PACS2: variants seen among roughly 807,000 people sequenced by gnomAD.
PACS2 encodes PACS1-like protein.
Under a neutral mutation model 113.0 loss-of-function variants are expected in PACS2, and 36 were observed. The ratio of observed to expected loss-of-function variants is 0.32; its 90% CI spans 0.24 to 0.42. The LOEUF is 0.42. Ranked by LOEUF, PACS2 falls within the 10% of genes least tolerant of loss-of-function variation. The probability of loss-of-function intolerance (pLI) is 1.00; values close to 1 mark genes in which losing one functional copy is unlikely to be tolerated. For synonymous variants in PACS2, 589 were observed against 536.1 expected (o/e 1.10, Z -1.36); for missense variants, 1,015 against 1,239.5 (o/e 0.82, Z 2.72).
At chr14:105,368,644 C>T (rs1440036261) in intron 7 of PACS2, 105 bp downstream of exon 7, 7 of 850,434 alleles carry the variant, frequency 8.2e-6, no homozygotes, top group Non-Finnish European at 1.4e-5. Flanking sequence ...GAGATCTCAC[C>T]CCAGGTCACA....
chr14:105,356,435 G>A lies in PACS2; in HGVS notation c.423+1258G>A, dbSNP rs1639069041. Among the ~76,000 whole-genome samples the A allele has an allele frequency of 6.6e-6, 1 of 152,172 alleles. No individual in the cohort carries two copies. The highest frequency in any genetic ancestry group is 2.1e-4 in the South Asian group (1 of 4,832). Reference sequence around the variant, plus strand: ...CGGCAAACCACGGACAGCACGGGTGGACCGGGCCTCCAGGCTGCACTTCCC... The same window carrying A: ...CGGCAAACCACGGACAGCACGGGTGAACCGGGCCTCCAGGCTGCACTTCCC... On this transcript the variant is annotated intron_variant, in intron 4 of 24. Coordinates refer to ENST00000447393, the MANE Select transcript of PACS2 (RefSeq NM_001100913.3). The surrounding 1 kb of genome is among the most constrained non-coding windows in gnomAD (Gnocchi z 4.0).
At chr14:105,367,402 C>T (rs1460637831) in intron 5 of PACS2, 27 bp downstream of exon 5, 6 of 1,605,562 alleles carry the variant, frequency 3.7e-6, no homozygotes, top group Non-Finnish European at 4.3e-6. Flanking sequence ...CCCGCTCCTG[C>T]CCCTGCTGTG....
intron 1 of PACS2, among the ~76,000 whole-genome samples, chr14:105,307,657 CCTT>C (rs1466075385): frequency 6.6e-6 from 1 of 152,228 alleles, no homozygotes; most frequent in Non-Finnish European, 1.5e-5. Flanking sequence ...GCTTCTATGG[CCTT>C]CTCACCTTCT....
chr14:105,349,606 G>C (rs1161054488), intron 2 of PACS2, among the ~76,000 whole-genome samples: 1 of 152,272 alleles, frequency 6.6e-6, no homozygotes. Context: ...TCTTGAGTGC[G>C]AGGAGGCCTG....
intron 9 of PACS2, among the ~76,000 whole-genome samples, chr14:105,377,597 C>G (rs1411282511): frequency 6.6e-6 from 1 of 152,196 alleles, no homozygotes; most frequent in East Asian, 1.9e-4. Flanking sequence ...TTTGCTCTCA[C>G]ACTTTTTTAA....
intron 1 of PACS2, among the ~76,000 whole-genome samples, chr14:105,341,265 A>G (rs1555401525): frequency 1.3e-5 from 2 of 152,210 alleles, no homozygotes; most frequent in African/African-American, 4.8e-5. Flanking sequence ...AAAACAAAAC[A>G]GAAGCCTCTA....
chr14:105,378,644 G>A (rs1006167874), intron 9 of PACS2, among the ~76,000 whole-genome samples: 3 of 152,240 alleles, frequency 2.0e-5, no homozygotes, highest in Non-Finnish European at 4.4e-5. Context: ...GAGCTCAAGC[G>A]AACCACCTGC....
intron 1 of PACS2, among the ~76,000 whole-genome samples, chr14:105,302,157 A>G (rs1387759323): frequency 3.3e-5 from 5 of 151,360 alleles, no homozygotes; most frequent in East Asian, 1.9e-4. Context: ...AAAAAAAAAA[A>G]AGAGAAAAAA....
chr14:105,321,844 A>G (rs1020678842), intron 1 of PACS2, among the ~76,000 whole-genome samples: 16 of 151,222 alleles, frequency 1.1e-4, no homozygotes, highest in African/African-American at 3.6e-4. Context: ...CTATTTTTCT[A>G]TCCTTTTTAA....
At chr14:105,326,036 T>G (rs1191172201) in intron 1 of PACS2, among the ~76,000 whole-genome samples, 1 of 152,280 alleles carries the variant, frequency 6.6e-6, no homozygotes, top group Non-Finnish European at 1.5e-5. Flanking sequence ...GTAGCTGACC[T>G]TGCAGGAGGC....
At position 105,384,415 on chromosome 14, in the gene PACS2, G is replaced by A. The variant is rs782444788; in HGVS notation, c.1843G>A (p.Asp615Asn). The A allele has an allele frequency of 6.2e-7, 1 of 1,612,564 alleles. No homozygotes were observed. The highest frequency in any genetic ancestry group is 8.5e-7 in the Non-Finnish European group (1 of 1,179,858). The change falls in exon 17 of 25, where the codon GAC (aspartate) becomes AAC (asparagine). Residue 615 changes from aspartate to asparagine, a missense_variant. By Grantham distance (23) the Asp-to-Asn change is conservative. Around this residue, in one of 3 missense-constraint regions of PACS2, gnomAD observed 859 missense variants for 1,056.8 expected, o/e 0.81. Transcript: ENST00000447393. Reference protein sequence around the residue: ...VDYRYNNFFQDLAWRDLFNKL... With the variant: ...VDYRYNNFFQNLAWRDLFNKL... Reference sequence around the variant, plus strand: ...CTACCGCTACAACAACTTCTTCCAGGACCTGGCCTGGAGAGACCTGTTCAA... The same window carrying A: ...CTACCGCTACAACAACTTCTTCCAGAACCTGGCCTGGAGAGACCTGTTCAA...
chr14:105,312,288 T>C (rs1356538922), upstream of PACS2, among the ~76,000 whole-genome samples: 3 of 152,170 alleles, frequency 2.0e-5, no homozygotes, highest in Non-Finnish European at 4.4e-5. Flanking sequence ...TTAATACCAA[T>C]GGAATCCTAG....
intron 1 of PACS2, among the ~76,000 whole-genome samples, chr14:105,327,498 A>C (rs2059161299): frequency 2.0e-5 from 3 of 152,114 alleles, no homozygotes; most frequent in Non-Finnish European, 4.4e-5. Flanking sequence ...TGGTCCTGTC[A>C]AATGGTGCTG....
At chr14:105,375,875 CTG>C (rs781912614) in intron 8 of PACS2, among the ~76,000 whole-genome samples, 3 of 152,204 alleles carry the variant, frequency 2.0e-5, no homozygotes, top group East Asian at 1.9e-4. Context: ...ATCTGTTAGA[CTG>C]GGGTCCACCC....
chr14:105,378,911 G>A (rs2080880032), intron 9 of PACS2, among the ~76,000 whole-genome samples: 1 of 152,250 alleles, frequency 6.6e-6, no homozygotes, highest in Admixed American at 6.5e-5. Context: ...AGCCTGGGTG[G>A]TCTGGAAAGG....
chr14:105,311,822 CT>C (rs1364352896), upstream of PACS2, among the ~76,000 whole-genome samples: 2 of 152,300 alleles, frequency 1.3e-5, no homozygotes, highest in Admixed American at 1.3e-4. Flanking sequence ...CCTGCTGTAC[CT>C]TTTTTGTGAC....
Position 105,384,469 on chromosome 14 carries a change from G to A in PACS2, c.1891+6G>A, listed in dbSNP as rs1555413058. On this transcript the variant is annotated splice_donor_region_variant and intron_variant, in intron 17 of 24. Coordinates refer to ENST00000447393, the MANE Select transcript of PACS2 (RefSeq NM_001100913.3). ...GCTGGAGGCCCAGAGTGCGGGTGAG[G>A]CCCGGGCGCGTCCACAGCCCACGCC... 1.3e-6 allele frequency: 2 copies of A among 1,586,444 alleles called. No homozygotes were observed. Among genetic ancestry groups the A allele is most frequent in the Admixed American group, 1.7e-5 (1 of 59,722 alleles).
chr14:105,318,851 G>A (rs1419999870), intron 1 of PACS2, among the ~76,000 whole-genome samples: 1 of 151,516 alleles, frequency 6.6e-6, no homozygotes, highest in Non-Finnish European at 1.5e-5. Context: ...TAGTAGAGAT[G>A]GGGTTTCACC....
rs2059272716 is a variant in PACS2 at position 105,330,628 on chromosome 14, G to A, written c.119+15591G>A. Among the ~76,000 whole-genome samples, 2 of 152,154 alleles carry A rather than the reference G, an allele frequency of 1.3e-5. No homozygotes were observed. Among genetic ancestry groups the A allele is most frequent in the South Asian group, 2.1e-4 (1 of 4,826 alleles). ...CTAGGCCACACCAGCATGACCCCTC[G>A]CCCCTGTCTCCACGGAGCACCGTGG... is the stretch of plus-strand genomic sequence containing the variant. On this transcript the variant is annotated intron_variant, in intron 1 of 24. Coordinates refer to ENST00000447393, the MANE Select transcript of PACS2 (RefSeq NM_001100913.3). This position sits in a 1 kb window ranked among gnomAD's most constrained non-coding sequence, Gnocchi z 6.9.
Sources: allele counts gnomAD v4.1 joint callset (sites outside exome capture counted in the v4.1 genomes callset), GRCh38; gene constraint gnomAD v4.1.1; regional missense constraint gnomAD v4.1.1; non-coding constraint Gnocchi (gnomAD v3.1); transcripts MANE v1.5; gene names NCBI Gene and HGNC (gene_info 2026-07-23, HGNC 2026-07-21).